Variants in MTOR observed in about 807,000 individuals in gnomAD.
MTOR encodes mechanistic target of rapamycin kinase, also known as serine/threonine-protein kinase mTOR.
In MTOR, 70 loss-of-function variants were observed where a neutral mutation model predicts 319.8. That is an observed-to-expected ratio of 0.22 (90% CI 0.18 to 0.27). The LOEUF (loss-of-function observed/expected upper bound fraction) is 0.27. Ranked by LOEUF, MTOR falls within the 10% of genes least tolerant of loss-of-function variation. MTOR has a pLI of 1.00. For missense variants in MTOR, 1,890 were observed against 3,274.4 expected, an observed-to-expected ratio of 0.58 and a Z score of 10.32; for synonymous variants, 1,183 against 1,211.4, an observed-to-expected ratio of 0.98 and a Z score of 0.49.
chr1:11,113,019 C>A, intron 53 of MTOR, 102 bp from the exon 54 acceptor site: 1 of 1,241,508 alleles, frequency 8.1e-7, no homozygotes, highest in Admixed American at 2.1e-5. Flanking sequence ...GTTCGTAAAG[C>A]TATAGCCCCA....
Position 11,108,186 on chromosome 1 carries a change from A to G in MTOR, c.7629T>C (p.Ile2543=). ...ACTTTGAGAGCCCCACTCACCAGCC[A>G]ATATAGCACTGGCAGAGGTTTTCAT... is the stretch of plus-strand genomic sequence containing the variant. The part of the protein sequence containing the change: ...TSHENLCQCY[I]GWCPFW The change falls in exon 57 of 58, where the codon ATT becomes ATC. Residue 2543 remains isoleucine, a synonymous_variant. Transcript: ENST00000361445. 1.2e-6 allele frequency: 2 copies of G among 1,613,448 alleles called. No homozygotes were observed. Among genetic ancestry groups the G allele is most frequent in the Middle Eastern group, 3.3e-4 (2 of 6,040 alleles).
chr1:11,115,734 G>A lies in MTOR; in HGVS notation c.7017-266C>T, dbSNP rs763995547. 5 of 424,300 alleles carry A rather than the reference G, an allele frequency of 1.2e-5. No homozygotes were observed. The highest frequency in any genetic ancestry group is 7.5e-5 in the East Asian group (2 of 26,842). The allele number at this position is 424,300 out of a possible 1,614,324, so 26.3% of individuals were successfully genotyped here. A position where few individuals can be genotyped will look rare whatever the true frequency, so the allele number is the denominator to read the frequency against. On this transcript the variant is annotated intron_variant, in intron 50 of 57. Coordinates refer to ENST00000361445, the MANE Select transcript of MTOR (RefSeq NM_004958.4). The surrounding 1 kb of genome is among the most constrained non-coding windows in gnomAD (Gnocchi z 4.5). ...CCAAAGGGCCCACAAAGCCTAAAAC[G>A]ACCTATTAACTGGTCCTTTACAGAA...
chr1:11,202,960 C>T (rs976588711), intron 26 of MTOR, among the ~76,000 whole-genome samples: 8 of 151,982 alleles, frequency 5.3e-5, no homozygotes, highest in Non-Finnish European at 1.0e-4. Flanking sequence ...CGCCTGTAAT[C>T]CCAGCACTCT....
At chr1:11,255,580 G>C (rs1650282187) in intron 5 of MTOR, among the ~76,000 whole-genome samples, 1 of 152,060 alleles carries the variant, frequency 6.6e-6, no homozygotes, top group Admixed American at 6.6e-5. Context: ...GCCAGGCGCG[G>C]TAGCTCATGT....
At chr1:11,216,269 T>C in intron 19 of MTOR, 35 bp from the exon 20 acceptor site, 1 of 1,525,434 alleles carries the variant, frequency 6.6e-7, no homozygotes, top group Non-Finnish European at 9.1e-7. Flanking sequence ...GCTGGTATCA[T>C]GAAGGACATT....
intron 28 of MTOR, among the ~76,000 whole-genome samples, chr1:11,193,223 T>C (rs573560532): frequency 1.3e-5 from 2 of 151,794 alleles, no homozygotes; most frequent in South Asian, 4.2e-4. Flanking sequence ...GGCAGGAGAA[T>C]CACTGGAACT....
At chr1:11,124,368 A>G (rs1181005810) in intron 47 of MTOR, 130 bp downstream of exon 47, 6 of 1,221,950 alleles carry the variant, frequency 4.9e-6, no homozygotes, top group South Asian at 1.6e-5. Flanking sequence ...GACTACAGGC[A>G]TGAGTTACCA....
rs17848553 is a variant in MTOR at position 11,130,673 on chromosome 1, G to A, written c.5469C>T (p.Ala1823=). 0.011 allele frequency: 17,274 copies of A among 1,611,908 alleles called. 596 individuals are homozygous for A. Among genetic ancestry groups the A allele is most frequent in the Admixed American group, 0.067 (3,999 of 59,458 alleles). ...EKKKLRHASG[A]NITNATTAAT... ...CGGCAGTGGTGGCGTTGGTGATGTT[G>A]GCCCCGCTGGCATGACGCAGTTTCT... The change falls in exon 39 of 58, where the codon GCC becomes GCT. Residue 1823 remains alanine, a synonymous_variant. Transcript: ENST00000361445.
At position 11,240,305 on chromosome 1, in the gene MTOR, T is replaced by A; in HGVS notation, c.1784A>T (p.Glu595Val). The change falls in exon 11 of 58, where the codon GAA (glutamate) becomes GTA (valine). Residue 595 changes from glutamate (E) to valine (V), a missense_variant and splice_region_variant. Transcript: ENST00000361445. ...CAAGAGCCGTTGTAATTTCTTACCT[T>A]CAAATTCAAAGCTGCCAAGCGTTCG... ...ALRTLGSFEF[E>V]GHSLTQFVRH... 6.4e-7 allele frequency: 1 copy of A among 1,553,180 alleles called. No individual in the cohort carries two copies. The highest frequency in any genetic ancestry group is 8.7e-7 in the Non-Finnish European group (1 of 1,150,328).
At chr1:11,240,629 A>G in intron 10 of MTOR, 82 bp from the exon 11 acceptor site, 1 of 1,523,390 alleles carries the variant, frequency 6.6e-7, no homozygotes, top group Non-Finnish European at 8.9e-7. Context: ...TTTCTCTCCC[A>G]GCAAGGGGAT....
intron 14 of MTOR, among the ~76,000 whole-genome samples, chr1:11,233,701 A>G (rs1441842397): frequency 6.6e-5 from 10 of 152,212 alleles, no homozygotes; most frequent in Admixed American, 6.5e-4. Flanking sequence ...AAGCACCATA[A>G]TGTGAAAGTA....
intron 34 of MTOR, among the ~76,000 whole-genome samples, chr1:11,140,810 T>C (rs1172363365): frequency 6.6e-6 from 1 of 152,250 alleles, no homozygotes; most frequent in Non-Finnish European, 1.5e-5. Flanking sequence ...TCAGTCTTTC[T>C]GGTTGAAGAT....
intron 29 of MTOR, among the ~76,000 whole-genome samples, chr1:11,163,023 C>T (rs541925439): frequency 3.3e-5 from 5 of 152,270 alleles, no homozygotes; most frequent in African/African-American, 9.6e-5. Flanking sequence ...CATCAGTGTG[C>T]TGTATTCAGG....
rs761195415 is a variant in MTOR at position 11,130,616 on chromosome 1, G to A, written c.5526C>T (p.Ala1842=). The A allele has an allele frequency of 9.3e-6, 15 of 1,613,660 alleles. No individual in the cohort carries two copies. Among genetic ancestry groups the A allele is most frequent in the Non-Finnish European group, 5.1e-6 (6 of 1,179,786 alleles). The change falls in exon 39 of 58, where the codon GCC becomes GCT. Residue 1842 remains alanine, a synonymous_variant. Transcript: ENST00000361445. ...ATTAATATTT[A]STEGSNSESE... ...TCTCACTGTTGCTGCCCTCGGTGCT[G>A]GCAGTGGTGGTGGCAGTGGCGGCCG... is the stretch of plus-strand genomic sequence containing the variant.
In MTOR at chr1:11,249,710, T is replaced by C. The variant is rs1194695738; in HGVS notation, c.841-1616A>G. Among the ~76,000 whole-genome samples the C allele has an allele frequency of 1.9e-4, 27 of 141,872 alleles. 1 individual carries two copies. Among genetic ancestry groups the C allele is most frequent in the African/African-American group, 5.4e-4 (21 of 39,014 alleles). 93.1% of individuals were successfully genotyped at this position (141,872 alleles called of 152,430 possible). On this transcript the variant is annotated intron_variant, in intron 6 of 57. Transcript: ENST00000361445. The stretch of plus-strand genomic sequence containing the variant: ...TTTAACCCTGAGTGGACACAGCACA[T>C]GTTTCAGAGAGCACAGGGTTGGGGG...
In MTOR at chr1:11,259,241, G is replaced by C; in HGVS notation, c.162+7C>G. The C allele has an allele frequency of 6.2e-7, 1 of 1,613,134 alleles. No homozygotes were observed. Among genetic ancestry groups the C allele is most frequent in the Non-Finnish European group, 8.5e-7 (1 of 1,179,668 alleles). On this transcript the variant is annotated splice_region_variant and intron_variant, in intron 2 of 57. Transcript: ENST00000361445. ...CCACAATGACTGGCCCCAGATCCCAGAAGCACCTCTCGGAGTTCCATGGTG... is the reference window on the plus strand; with the variant it reads ...CCACAATGACTGGCCCCAGATCCCACAAGCACCTCTCGGAGTTCCATGGTG...
At chr1:11,192,352 G>A (rs1645574120) in intron 28 of MTOR, 21 of 1,613,550 alleles carry the variant, frequency 1.3e-5, no homozygotes, top group Non-Finnish European at 1.7e-5. Flanking sequence ...ATGACTTCCT[G>A]GGCAGCCCTG....
At chr1:11,125,175 T>A (rs146748283) in intron 46 of MTOR, among the ~76,000 whole-genome samples, 2 of 152,168 alleles carry the variant, frequency 1.3e-5, no homozygotes, top group Non-Finnish European at 2.9e-5. Flanking sequence ...AGTTCTGGAG[T>A]GTGGGGGTGG....
chr1:11,261,741 A>G (rs1002879870), intron 1 of MTOR, among the ~76,000 whole-genome samples: 4 of 152,122 alleles, frequency 2.6e-5, no homozygotes, highest in Non-Finnish European at 5.9e-5. Context: ...GAAGAAACTT[A>G]AGAATCCCTG....
Sources: gnomAD v4.1 joint callset for allele counts (sites outside exome capture counted in the v4.1 genomes callset) on GRCh38, gnomAD v4.1.1 for gene constraint, Gnocchi (gnomAD v3.1) non-coding constraint, MANE v1.5 for transcripts, NCBI Gene and HGNC (gene_info 2026-07-23, HGNC 2026-07-21) for gene names.